Variants in FSTL4 observed in about 807,000 individuals in gnomAD.
FSTL4 encodes follistatin-related protein 4.
In FSTL4, 28 loss-of-function variants were observed where a neutral mutation model predicts 78.2. The ratio of observed to expected loss-of-function variants is 0.36; its 90% CI spans 0.27 to 0.49. The LOEUF (loss-of-function observed/expected upper bound fraction) is 0.49. Among genes scored for constraint, FSTL4 ranks in the 20% least tolerant of loss-of-function variants. The pLI is 0.98. For missense variants in FSTL4, 922 were observed against 1,084.9 expected (o/e 0.85, Z 2.11); for synonymous variants, 422 against 440.5 (o/e 0.96, Z 0.53).
At chr5:133,536,554 A>C (rs919976587) in intron 3 of FSTL4, among the ~76,000 whole-genome samples, 4 of 152,062 alleles carry the variant, frequency 2.6e-5, no homozygotes, top group Admixed American at 6.6e-5. Context: ...AATTTCTTTA[A>C]AATTATTTAA....
chr5:133,721,357 T>C, the FSTL4 span, among the ~76,000 whole-genome samples: 1 of 152,218 alleles, frequency 6.6e-6, no homozygotes, highest in Non-Finnish European at 1.5e-5. Flanking sequence ...GCTACACATT[T>C]ACCTCTACCA....
intron 3 of FSTL4, among the ~76,000 whole-genome samples, chr5:133,463,023 G>A (rs1313906529): frequency 6.6e-6 from 1 of 152,162 alleles, no homozygotes; most frequent in Non-Finnish European, 1.5e-5. Context: ...GAGGAATGCC[G>A]TGCGAGGCAG....
chr5:133,358,431 AG>A (rs1226586096), intron 4 of FSTL4, among the ~76,000 whole-genome samples: 1 of 152,034 alleles, frequency 6.6e-6, no homozygotes. Flanking sequence ...ATCAAGCAGC[AG>A]GGGCAGGACT....
intron 3 of FSTL4, among the ~76,000 whole-genome samples, chr5:133,444,229 C>CTT: frequency 6.6e-6 from 1 of 152,208 alleles, no homozygotes; most frequent in African/African-American, 2.4e-5. Context: ...TAGGTAGGCA[C>CTT]CTTCTTGCCC....
At chr5:133,803,245 C>T in the FSTL4 span, among the ~76,000 whole-genome samples, 10 of 152,250 alleles carry the variant, frequency 6.6e-5, no homozygotes, top group South Asian at 1.5e-3. Context: ...ATGAATATAG[C>T]TTTCTTCCTG....
intron 6 of FSTL4, among the ~76,000 whole-genome samples, chr5:133,304,151 CA>C (rs1395243912): frequency 1.3e-5 from 2 of 152,214 alleles, no homozygotes; most frequent in African/African-American, 4.8e-5. Context: ...TTGAAGTCCT[CA>C]CAAAAGCTTT....
intron 3 of FSTL4, among the ~76,000 whole-genome samples, chr5:133,524,673 C>G (rs530723421): frequency 6.6e-6 from 1 of 152,168 alleles, no homozygotes; most frequent in Non-Finnish European, 1.5e-5. Context: ...AGAAATGCAC[C>G]CCCCACCCCG....
chr5:133,265,691 C>T (rs978093818), intron 6 of FSTL4, among the ~76,000 whole-genome samples: 1 of 152,330 alleles, frequency 6.6e-6, no homozygotes, highest in South Asian at 2.1e-4. Flanking sequence ...AGTCACTCCC[C>T]CTCCCACTAG....
chr5:133,746,215 A>G, the FSTL4 span, among the ~76,000 whole-genome samples: 1 of 152,218 alleles, frequency 6.6e-6, no homozygotes, highest in East Asian at 1.9e-4. Context: ...GAGATCTGCA[A>G]ATCATGGATT....
chr5:133,821,641 GCA>G, the FSTL4 span, among the ~76,000 whole-genome samples: 4 of 152,298 alleles, frequency 2.6e-5, no homozygotes, highest in Middle Eastern at 3.4e-3. Context: ...GGAGAGTTGA[GCA>G]CATGTGGGGA....
At chr5:133,396,747 C>T (rs1756059268) in intron 4 of FSTL4, among the ~76,000 whole-genome samples, 1 of 152,150 alleles carries the variant, frequency 6.6e-6, no homozygotes, top group Non-Finnish European at 1.5e-5. Flanking sequence ...AAAAATGGCT[C>T]TTTGGCAGGA....
rs1010038465 is a variant in FSTL4 at position 133,198,838 on chromosome 5, ACAGAAATGATCCCTTTACACAG to A, written c.*235_*256del. 1.1e-5 allele frequency: 4 copies of A among 356,708 alleles called. No individual in the cohort carries two copies. The highest frequency in any genetic ancestry group is 8.2e-5 in the African/African-American group (4 of 48,534). 22.1% of individuals were successfully genotyped at this position (356,708 alleles called of 1,614,324 possible). ...CAGGTCACTCGGTGTGCAGCTTGGC[ACAGAAATGATCCCTTTACACAG>A]CAGCATATGTTCTCATCGTAGCTCA... On this transcript the variant is annotated 3_prime_UTR_variant, in exon 16 of 16. Coordinates refer to ENST00000265342, the MANE Select transcript of FSTL4 (RefSeq NM_015082.2).
rs1340879571 is a variant in FSTL4, at chr5:133,197,665, A to AAT, written c.*1428_*1429dup. 6.6e-6 allele frequency: 1 copy of AAT among 152,280 alleles called. No homozygotes were observed. Among genetic ancestry groups the AAT allele is most frequent in the Non-Finnish European group, 1.5e-5 (1 of 68,062 alleles). 9.4% of individuals were successfully genotyped at this position (152,280 alleles called of 1,614,324 possible). A position where few individuals can be genotyped will look rare whatever the true frequency, so the allele number is the denominator to read the frequency against. On this transcript the variant is annotated 3_prime_UTR_variant, in exon 16 of 16. Transcript: ENST00000265342. ...TCATGTCAGTAGGTGAAGGTGGCCA[A>AAT]ATTAGCAAAGACGTCTGTGGTGAGA... is the stretch of plus-strand genomic sequence containing the variant.
chr5:133,547,395 T>C (rs1759603498), intron 3 of FSTL4, among the ~76,000 whole-genome samples: 1 of 152,196 alleles, frequency 6.6e-6, no homozygotes. Flanking sequence ...TTTGGGACTA[T>C]TAGAATGGAA....
At chr5:133,655,596 C>G in the FSTL4 span, among the ~76,000 whole-genome samples, 1 of 152,012 alleles carries the variant, frequency 6.6e-6, no homozygotes, top group Non-Finnish European at 1.5e-5. Flanking sequence ...TATTGGTGAA[C>G]TATACATTGA....
chr5:133,264,515 C>T (rs997555249), intron 6 of FSTL4, among the ~76,000 whole-genome samples: 1 of 152,176 alleles, frequency 6.6e-6, no homozygotes, highest in Non-Finnish European at 1.5e-5. Flanking sequence ...ACCTGCCGTT[C>T]CTGGTGGTGG....
rs532993872 is a variant in FSTL4, at chr5:133,209,488, A to G, written c.1716+703T>C. Among the ~76,000 whole-genome samples the G allele has an allele frequency of 1.5e-3, 226 of 152,336 alleles. 1 individual carries two copies. Among genetic ancestry groups the G allele is most frequent in the African/African-American group, 5.2e-3 (215 of 41,570 alleles). Reference sequence around the variant, plus strand: ...TGCACCCAGAATGGTTCTTTGCACCATCTTTGGGAGAATTGAGAAAATGGG... The same window carrying G: ...TGCACCCAGAATGGTTCTTTGCACCGTCTTTGGGAGAATTGAGAAAATGGG... On this transcript the variant is annotated intron_variant, in intron 14 of 15. Coordinates refer to ENST00000265342, the MANE Select transcript of FSTL4 (RefSeq NM_015082.2).
chr5:133,457,536 C>T (rs1251933474), intron 3 of FSTL4, among the ~76,000 whole-genome samples: 2 of 152,200 alleles, frequency 1.3e-5, no homozygotes, highest in Non-Finnish European at 2.9e-5. Flanking sequence ...AATGCCTTTC[C>T]TTTGAAATGC....
chr5:133,787,665 C>A, the FSTL4 span, among the ~76,000 whole-genome samples: 1 of 151,258 alleles, frequency 6.6e-6, no homozygotes. Flanking sequence ...GCAACAAACT[C>A]CAGGGCAAGC....
Sources: gnomAD v4.1 joint callset for allele counts (sites outside exome capture counted in the v4.1 genomes callset) on GRCh38, gnomAD v4.1.1 for gene constraint, MANE v1.5 for transcripts, NCBI Gene and HGNC (gene_info 2026-07-23, HGNC 2026-07-21) for gene names.